Variants in AGK observed in about 807,000 individuals in gnomAD.
AGK encodes acylglycerol kinase, mitochondrial.
Under a neutral mutation model 66.4 loss-of-function variants are expected in AGK, and 52 were observed. The ratio of observed to expected loss-of-function variants is 0.78; its 90% CI spans 0.63 to 0.99. AGK has a LOEUF of 0.99. Ranked by LOEUF, AGK falls within the 50% of genes least tolerant of loss-of-function variation. The pLI is 0.00. For missense variants in AGK, 451 were observed against 506.6 expected (o/e 0.89, Z 1.05); for synonymous variants, 182 against 181.1 (o/e 1.00, Z -0.04).
chr7:141,582,541 C>A (rs1034741517), intron 2 of AGK, among the ~76,000 whole-genome samples: 1 of 151,926 alleles, frequency 6.6e-6, no homozygotes, highest in Non-Finnish European at 1.5e-5. Flanking sequence ...ATAAGACAGC[C>A]TTCTGACCTT....
chr7:141,574,036 T>C (rs943716451), intron 2 of AGK, among the ~76,000 whole-genome samples: 1 of 152,138 alleles, frequency 6.6e-6, no homozygotes, highest in Non-Finnish European at 1.5e-5. Context: ...TGCAAATACA[T>C]AATGGCTGAT....
At chr7:141,559,601 G>C (rs1272389823) in intron 2 of AGK, among the ~76,000 whole-genome samples, 2 of 152,044 alleles carry the variant, frequency 1.3e-5, no homozygotes, top group African/African-American at 2.4e-5. Flanking sequence ...GGGATTTCTT[G>C]AGATTCCATA....
At chr7:141,608,996 AT>A (rs1243975293) in intron 5 of AGK, among the ~76,000 whole-genome samples, 1 of 152,098 alleles carries the variant, frequency 6.6e-6, no homozygotes, top group Non-Finnish European at 1.5e-5. Context: ...ACATACATAC[AT>A]TTTTTTAAAA....
intron 8 of AGK, among the ~76,000 whole-genome samples, chr7:141,621,296 T>A (rs1193131721): frequency 6.6e-6 from 1 of 152,202 alleles, no homozygotes; most frequent in African/African-American, 2.4e-5. Context: ...AGGTTCTGGA[T>A]TATATTTTGC....
chr7:141,652,896 A>C lies in AGK; in HGVS notation c.1241A>C (p.Glu414Ala). The C allele has an allele frequency of 6.2e-7, 1 of 1,613,982 alleles. No homozygotes were observed. The highest frequency in any genetic ancestry group is 8.5e-7 in the Non-Finnish European group (1 of 1,179,998). Residue 414 changes from glutamate (E) to alanine (A), a missense_variant, in exon 16 of 16, where the codon GAA becomes GCA. Glu to Ala is a moderately radical substitution (Grantham distance 107). Transcript: ENST00000649286. ...TTCTTCTGTGATCCTAGGAAGAGAG[A>C]ACAGATGCTCACAAGCCCCACCCAG... ...LQFFCDPRKR[E>A]QMLTSPTQ
At chr7:141,601,428 G>A in intron 5 of AGK, 148 bp downstream of exon 5, 2 of 595,762 alleles carry the variant, frequency 3.4e-6, no homozygotes, top group Middle Eastern at 2.7e-4. Flanking sequence ...ATGTAGTTTT[G>A]TTTTTTTCCA....
Position 141,598,179 on chromosome 7 carries a change from C to G in AGK, c.221+1538C>G, listed in dbSNP as rs79030772. On this transcript the variant is annotated intron_variant, in intron 4 of 15. Transcript: ENST00000649286. This position sits in a 1 kb window ranked among gnomAD's most constrained non-coding sequence, Gnocchi z 4.2. ...TTCTTTGTAATTCAGTGGTTTAATT[C>G]AGATTGTCTAAACAGACTATTCTGC... 0.13 allele frequency among the ~76,000 whole-genome samples: 19,953 copies of G among 152,076 alleles called. 1,555 individuals carry two copies. The highest frequency in any genetic ancestry group is 0.19 in the Middle Eastern group (56 of 294).
rs1399480459 is a variant in AGK, at chr7:141,555,021, A to AT, written c.-14-426dup. Among the ~76,000 whole-genome samples the AT allele has an allele frequency of 6.6e-6, 1 of 151,632 alleles. No homozygotes were observed. Among genetic ancestry groups the AT allele is most frequent in the Non-Finnish European group, 1.5e-5 (1 of 67,996 alleles). On this transcript the variant is annotated intron_variant, in intron 1 of 15. Coordinates refer to ENST00000649286, the MANE Select transcript of AGK (RefSeq NM_018238.4). This position sits in a 1 kb window ranked among gnomAD's most constrained non-coding sequence, Gnocchi z 4.2. ...TTTTGAACTCGCCCTTCATATTATT[A>AT]TTTTTTGGGACACTTACATTATGAT... is the stretch of plus-strand genomic sequence containing the variant.
At chr7:141,562,237 C>T (rs769550157) in intron 2 of AGK, 4 of 452,064 alleles carry the variant, frequency 8.8e-6, no homozygotes, top group African/African-American at 4.0e-5. Context: ...TTCTCCTTCT[C>T]GGGAGCAGTG....
intron 9 of AGK, among the ~76,000 whole-genome samples, chr7:141,622,418 C>T (rs1182203045): frequency 6.6e-6 from 1 of 152,140 alleles, no homozygotes; most frequent in Non-Finnish European, 1.5e-5. Flanking sequence ...GCAAGTCTAC[C>T]AGTGTCATTT....
At chr7:141,591,082 G>A (rs369005691) in intron 2 of AGK, among the ~76,000 whole-genome samples, 4 of 61,094 alleles carry the variant, frequency 6.5e-5, no homozygotes, top group African/African-American at 1.8e-4. Context: ...TTCTTAAGTT[G>A]TTTTTTTTTT....
At chr7:141,613,673 A>ATT (rs112844510) in intron 6 of AGK, among the ~76,000 whole-genome samples, 1 of 151,452 alleles carries the variant, frequency 6.6e-6, no homozygotes, top group Admixed American at 6.6e-5. Context: ...AATTATGAGA[A>ATT]TTTTTTTTTG....
chr7:141,633,790 AG>A, intron 9 of AGK, 110 bp from the exon 10 acceptor site: 1 of 885,788 alleles, frequency 1.1e-6, no homozygotes, highest in East Asian at 2.4e-5. Context: ...CAGACTTTTT[AG>A]AATTTTGGTT....
At chr7:141,636,640 C>A (rs566850613) in intron 10 of AGK, among the ~76,000 whole-genome samples, 47 of 152,224 alleles carry the variant, frequency 3.1e-4, no homozygotes, top group Middle Eastern at 6.8e-3. Flanking sequence ...CAACTCTATA[C>A]CAAACTGTAT....
chr7:141,628,574 T>G lies in AGK; in HGVS notation c.589-5327T>G, dbSNP rs928634487. ...CTCCATAGATAAAAGAAATAGTTCT[T>G]GGAAACAATAATGCCTTATATTTAG... On this transcript the variant is annotated intron_variant, in intron 9 of 15. Transcript: ENST00000649286. Among the ~76,000 whole-genome samples, 9 of 152,230 alleles carry G rather than the reference T, an allele frequency of 5.9e-5. 1 individual carries two copies. Among genetic ancestry groups the G allele is most frequent in the Admixed American group, 5.9e-4 (9 of 15,284 alleles).
intron 9 of AGK, among the ~76,000 whole-genome samples, chr7:141,629,961 T>C (rs1264438619): frequency 6.6e-6 from 1 of 152,208 alleles, no homozygotes; most frequent in Non-Finnish European, 1.5e-5. Flanking sequence ...AGGAAAGCTG[T>C]ATATTGTGCT....
At chr7:141,633,574 A>G (rs1039352526) in intron 9 of AGK, among the ~76,000 whole-genome samples, 1 of 152,218 alleles carries the variant, frequency 6.6e-6, no homozygotes, top group African/African-American at 2.4e-5. Flanking sequence ...ATGAAAGAAA[A>G]GAAATTCTAG....
chr7:141,596,726 G>A lies in AGK; in HGVS notation c.221+85G>A, dbSNP rs972720808. ...ACTATCAGGCAGCTAGTGAGATTGT[G>A]TGGAATTGGAAGAACTAGGTTTAGT... On this transcript the variant is annotated intron_variant, in intron 4 of 15. Transcript: ENST00000649286. 13 of 1,242,256 alleles carry A rather than the reference G, an allele frequency of 1.0e-5. No homozygotes were observed. The African/African-American group carries it at 1.8e-4, about 17-fold the overall frequency. The allele number at this position is 1,242,256 out of a possible 1,614,324, so 77.0% of individuals were successfully genotyped here.
intron 1 of AGK, among the ~76,000 whole-genome samples, chr7:141,554,600 G>A (rs189841801): frequency 4.5e-4 from 68 of 152,278 alleles, no homozygotes; most frequent in African/African-American, 1.6e-3. Flanking sequence ...TTAGGCATGG[G>A]ATACAGCAGT....
Sources: allele counts gnomAD v4.1 joint callset (sites outside exome capture counted in the v4.1 genomes callset), GRCh38; gene constraint gnomAD v4.1.1; non-coding constraint Gnocchi (gnomAD v3.1); transcripts MANE v1.5; gene names NCBI Gene and HGNC (gene_info 2026-07-23, HGNC 2026-07-21).